Variants in TM9SF3 observed in about 807,000 individuals in gnomAD.
The protein encoded by TM9SF3 is SM-11044-binding protein.
In TM9SF3, 14 loss-of-function variants were observed where a neutral mutation model predicts 78.6. The ratio of observed to expected loss-of-function variants is 0.18; its 90% CI spans 0.12 to 0.28. The LOEUF (loss-of-function observed/expected upper bound fraction) is 0.28. TM9SF3 is among the 10% of genes least tolerant of loss of function. The pLI, the probability that TM9SF3 is intolerant of heterozygous loss-of-function variation, is 1.00. For missense variants in TM9SF3, 496 were observed against 721.9 expected (o/e 0.69, Z 3.59); for synonymous variants, 231 against 241.7 (o/e 0.96, Z 0.41).
Position 96,565,393 on chromosome 10 carries a change from T to C in TM9SF3, c.332A>G (p.Asp111Gly), listed in dbSNP as rs1381917522. The C allele has an allele frequency of 6.4e-7, 1 of 1,556,136 alleles. No homozygotes were observed. Among genetic ancestry groups the C allele is most frequent in the African/African-American group, 1.4e-5 (1 of 70,866 alleles). ...TGCATCTCTCTTTTCTTTATCTAAATCAATTTCACAGTAAGTGGCTGGCAT... is the reference window on the plus strand; with the variant it reads ...TGCATCTCTCTTTTCTTTATCTAAACCAATTTCACAGTAAGTGGCTGGCAT... ...DVMPATYCEI[D>G]LDKEKRDAFV... is the part of the protein sequence containing the mutation. Residue 111 changes from aspartate to glycine, a missense_variant, in exon 3 of 15, where the codon GAT (aspartate) becomes GGT (glycine). Coordinates refer to ENST00000371142, the MANE Select transcript of TM9SF3 (RefSeq NM_020123.4).
At chr10:96,537,206 G>A (rs1417951057) in intron 9 of TM9SF3, among the ~76,000 whole-genome samples, 57 of 151,612 alleles carry the variant, frequency 3.8e-4, no homozygotes, top group Non-Finnish European at 4.4e-5. Context: ...ATTTTTTTTT[G>A]GTCAATGATG....
intron 10 of TM9SF3, among the ~76,000 whole-genome samples, chr10:96,530,864 G>A (rs1417639339): frequency 6.6e-6 from 1 of 152,156 alleles, no homozygotes; most frequent in Non-Finnish European, 1.5e-5. Flanking sequence ...ACTGACACTG[G>A]CAGAACTTCA....
chr10:96,564,983 T>C (rs1040529019), intron 3 of TM9SF3, among the ~76,000 whole-genome samples: 2 of 152,122 alleles, frequency 1.3e-5, no homozygotes, highest in Non-Finnish European at 2.9e-5. Flanking sequence ...TTTAACTGTA[T>C]TTAAAAGAAC....
At chr10:96,582,634 GT>G (rs1402534344) in intron 1 of TM9SF3, among the ~76,000 whole-genome samples, 2 of 152,130 alleles carry the variant, frequency 1.3e-5, no homozygotes, top group Non-Finnish European at 2.9e-5. Context: ...CAACATGTCT[GT>G]AATGCATATG....
chr10:96,537,625 G>A (rs572047728), intron 9 of TM9SF3, among the ~76,000 whole-genome samples: 1 of 152,212 alleles, frequency 6.6e-6, no homozygotes, highest in Non-Finnish European at 1.5e-5. Flanking sequence ...CTAAGGTCAG[G>A]AGTTCGAGGC....
chr10:96,561,339 G>A (rs1848306711), intron 4 of TM9SF3, among the ~76,000 whole-genome samples: 1 of 152,044 alleles, frequency 6.6e-6, no homozygotes, highest in African/African-American at 2.4e-5. Context: ...AGTTATATAA[G>A]GATTATTTGC....
At chr10:96,533,372 C>T (rs2134132679) in intron 9 of TM9SF3, among the ~76,000 whole-genome samples, 182 bp from the exon 10 acceptor site, 1 of 152,284 alleles carries the variant, frequency 6.6e-6, no homozygotes, top group South Asian at 2.1e-4. Context: ...AGTATTAGAA[C>T]TAAACTGAAT....
chr10:96,532,695 A>C (rs1309292578), intron 10 of TM9SF3, among the ~76,000 whole-genome samples: 1 of 152,192 alleles, frequency 6.6e-6, no homozygotes, highest in Non-Finnish European at 1.5e-5. Flanking sequence ...GAATATGTAA[A>C]CAAATGGGCA....
intron 9 of TM9SF3, 71 bp from the exon 10 acceptor site, chr10:96,533,261 C>A: frequency 6.7e-7 from 1 of 1,499,212 alleles, no homozygotes; most frequent in South Asian, 1.3e-5. Flanking sequence ...AAAAGAGACA[C>A]AATTTAAACA....
intron 8 of TM9SF3, among the ~76,000 whole-genome samples, chr10:96,546,501 A>C (rs1848101979): frequency 1.3e-5 from 2 of 152,180 alleles, no homozygotes; most frequent in Admixed American, 1.3e-4. Flanking sequence ...TCATAAACTA[A>C]AATTTTAGCC....
intron 4 of TM9SF3, chr10:96,560,645 A>G: frequency 7.9e-6 from 5 of 633,912 alleles, no homozygotes; most frequent in South Asian, 6.9e-5. Flanking sequence ...CACAGAAAAA[A>G]GTAAAACTTG....
In TM9SF3 at chr10:96,552,998, G is replaced by T; in HGVS notation, c.722C>A (p.Ser241Ter). 6.2e-7 allele frequency: 1 copy of T among 1,606,868 alleles called. No homozygotes were observed. Residue 241 changes from serine (S) to a stop codon, truncating the protein, a stop_gained, in exon 6 of 15, where the codon TCA becomes TAA. Transcript: ENST00000371142. LOFTEE classifies it high-confidence loss of function. ...MMVIFLVGLVSMILMRTLRKD... is the reference protein window; with the variant it reads ...MMVIFLVGLV ...TCTTAATGTTCTCATTAAAATCATT[G>T]AAACTAAGCCCACCAAGAAGATCAC... is the stretch of plus-strand genomic sequence containing the variant.
intron 1 of TM9SF3, among the ~76,000 whole-genome samples, chr10:96,580,682 T>A (rs1848557101): frequency 6.6e-6 from 1 of 152,176 alleles, no homozygotes. Flanking sequence ...AATCCTCAAG[T>A]AAAGCCTTAA....
At chr10:96,543,992 A>G in intron 9 of TM9SF3, 84 bp downstream of exon 9, 9 of 1,388,886 alleles carry the variant, frequency 6.5e-6, no homozygotes, top group Non-Finnish European at 8.8e-6. Context: ...AAAACATCTA[A>G]TAAGAAGTAT....
intron 2 of TM9SF3, among the ~76,000 whole-genome samples, chr10:96,574,483 A>G (rs1317664122): frequency 6.6e-6 from 1 of 152,232 alleles, no homozygotes; most frequent in Non-Finnish European, 1.5e-5. Context: ...TGGGAGTGTA[A>G]ATTAGTTCAA....
chr10:96,528,229 A>C, intron 11 of TM9SF3, 52 bp from the exon 12 acceptor site: 4 of 1,515,056 alleles, frequency 2.6e-6, no homozygotes, highest in Non-Finnish European at 3.6e-6. Context: ...CTTAAAGCTC[A>C]CTCTGCTCTT....
In TM9SF3 at chr10:96,563,067, C is replaced by A. The variant is rs1329946965; in HGVS notation, c.422-929G>T. Among the ~76,000 whole-genome samples the A allele has an allele frequency of 2.6e-5, 4 of 151,890 alleles. No homozygotes were observed. In the East Asian group the frequency reaches 7.7e-4, roughly 29 times the overall value. ...TTGGGATTGTAGGGGATAATGAAAT[C>A]CTTCTTTTATCTTTATTTGTTATTG... On this transcript the variant is annotated intron_variant, in intron 3 of 14. Coordinates refer to ENST00000371142, the MANE Select transcript of TM9SF3 (RefSeq NM_020123.4).
At chr10:96,551,920 T>A (rs1026176156) in intron 6 of TM9SF3, among the ~76,000 whole-genome samples, 2 of 144,288 alleles carry the variant, frequency 1.4e-5, no homozygotes, top group South Asian at 4.3e-4. Context: ...ACAGTCTATA[T>A]GCATTTTTTT....
chr10:96,521,307 CTACGT>C lies in TM9SF3; in HGVS notation c.*951_*955del, dbSNP rs1019700538. On this transcript the variant is annotated 3_prime_UTR_variant, in exon 15 of 15. Coordinates refer to ENST00000371142, the MANE Select transcript of TM9SF3 (RefSeq NM_020123.4). The stretch of plus-strand genomic sequence containing the variant: ...TCCAAATGCATTTGGGAATCTACAC[CTACGT>C]TACATTATTTAATGTTATATACATT... 1 of 162,302 alleles carries C rather than the reference CTACGT, an allele frequency of 6.2e-6. No homozygotes were observed. The highest frequency in any genetic ancestry group is 2.4e-5 in the African/African-American group (1 of 41,794). The allele number at this position is 162,302 out of a possible 1,614,324, so 10.1% of individuals were successfully genotyped here.
Sources: allele counts gnomAD v4.1 joint callset (sites outside exome capture counted in the v4.1 genomes callset), GRCh38; gene constraint gnomAD v4.1.1; transcripts MANE v1.5; gene names NCBI Gene and HGNC (gene_info 2026-07-23, HGNC 2026-07-21).